The following KANK1 variants were observed in gnomAD, a reference collection of about 807,000 sequenced individuals.
KANK1 encodes the protein KN motif and ankyrin repeat domain-containing protein 1.
KANK1 carries 109 observed loss-of-function variants against 106.2 expected under a neutral mutation model. The observed-to-expected ratio is 1.03, with a 90% CI of 0.88 to 1.20. KANK1 has a LOEUF of 1.20. Ranked by LOEUF, KANK1 falls within the 50% of genes most tolerant of loss-of-function variation. KANK1 has a pLI of 0.00. For missense variants in KANK1, 2,399 were observed against 1,710.7 expected (o/e 1.40, Z -7.10); for synonymous variants, 873 against 652.2 (o/e 1.34, Z -5.16).
upstream of KANK1, among the ~76,000 whole-genome samples, chr9:500,510 T>A (rs1931371928): frequency 1.3e-5 from 2 of 152,214 alleles, no homozygotes; most frequent in Non-Finnish European, 2.9e-5. Flanking sequence ...TGATGAAGAC[T>A]TTTTTAAGGA....
rs535838229 is a variant in KANK1, at chr9:674,779, C to T, written c.-83-2111C>T. On this transcript the variant is annotated intron_variant, in intron 1 of 11. Transcript: ENST00000382297. ...GGTGCAGTGGTGCAATCTCAGCTCA[C>T]TGCAATCTCCGTCTCCCAGGTTCAA... Among the ~76,000 whole-genome samples the T allele has an allele frequency of 7.9e-5, 12 of 152,306 alleles. No individual in the cohort carries two copies. In the East Asian group the frequency reaches 2.3e-3, roughly 29 times the overall value.
In KANK1 at chr9:740,857, G is replaced by C. The variant is rs148917415; in HGVS notation, c.3619G>C (p.Ala1207Pro). 2.9e-5 allele frequency: 46 copies of C among 1,613,696 alleles called. 1 individual carries two copies. The South Asian group carries it at 4.3e-4, about 15-fold the overall frequency. ...CCCCATCATGTTGGCGGCCCTCGCC[G>C]CTGTGGAAGCAGAGAAGGACATGCG... is the stretch of plus-strand genomic sequence containing the variant. Reference protein sequence around the residue: ...YTPIMLAALAAVEAEKDMRIV... With the variant: ...YTPIMLAALAPVEAEKDMRIV... The change falls in exon 9 of 12, where the codon GCT (alanine) becomes CCT (proline). Residue 1207 changes from alanine (A) to proline (P), a missense_variant. By Grantham distance (27) the Ala-to-Pro change is conservative (BLOSUM62 -1). Coordinates refer to ENST00000382297, the MANE Select transcript of KANK1 (RefSeq NM_015158.5).
At chr9:684,551 C>G (rs1818179048) in intron 2 of KANK1, 1 of 985,344 alleles carries the variant, frequency 1.0e-6, no homozygotes, top group Non-Finnish European at 1.2e-6. Context: ...CTGTGCTCTG[C>G]TCTTCCTCAG....
In KANK1 at chr9:681,500, A is replaced by T. The variant is rs554559695; in HGVS notation, c.37+4491A>T. 3.9e-5 allele frequency among the ~76,000 whole-genome samples: 6 copies of T among 152,336 alleles called. No homozygotes were observed. The East Asian group carries it at 9.6e-4, about 24-fold the overall frequency. The stretch of plus-strand genomic sequence containing the variant: ...TTGTGAAACTTTAATTAGAGCTTAG[A>T]TATGCTTTAGAAGCCAAATAACAAG... On this transcript the variant is annotated intron_variant, in intron 2 of 11. Transcript: ENST00000382297.
intron 1 of KANK1, among the ~76,000 whole-genome samples, chr9:527,183 C>G (rs979741692): frequency 2.0e-5 from 3 of 151,762 alleles, no homozygotes; most frequent in Non-Finnish European, 2.9e-5. Flanking sequence ...CTGAAGGCGT[C>G]CCTTCTGAAG....
rs752429506 is a variant in KANK1 at position 711,611 on chromosome 9, G to A, written c.845G>A (p.Arg282Gln). Residue 282 changes from arginine (R) to glutamine (Q), a missense_variant, in exon 3 of 12, where the codon CGA (arginine) becomes CAA (glutamine). Coordinates refer to ENST00000382297, the MANE Select transcript of KANK1 (RefSeq NM_015158.5). ...KRLKELEEQV[R>Q]TIPVLQVKIS... is the part of the protein sequence containing the mutation. Reference sequence around the variant, plus strand: ...CTGAAGGAGCTGGAGGAGCAGGTGCGAACCATCCCTGTGCTCCAGGTAAAG... The same window carrying A: ...CTGAAGGAGCTGGAGGAGCAGGTGCAAACCATCCCTGTGCTCCAGGTAAAG... 15 of 1,614,020 alleles carry A rather than the reference G, an allele frequency of 9.3e-6. No homozygotes were observed. The highest frequency in any genetic ancestry group is 5.5e-5 in the South Asian group (5 of 91,068).
rs771863577 is a variant in KANK1, at chr9:730,049, A to G, written c.2699-2A>G. On this transcript the variant is annotated splice_acceptor_variant, in intron 3 of 11. Transcript: ENST00000382297. LOFTEE classifies it high-confidence loss of function. ...ACTCTGTACCTTTCTTTTTCCTGAT[A>G]GGCAATTATTTGGGATATACCTGTA... 2 of 1,613,328 alleles carry G rather than the reference A, an allele frequency of 1.2e-6. No homozygotes were observed. The highest frequency in any genetic ancestry group is 4.5e-5 in the East Asian group (2 of 44,880).
At chr9:640,692 C>T (rs927706950) in intron 1 of KANK1, among the ~76,000 whole-genome samples, 25 of 148,166 alleles carry the variant, frequency 1.7e-4, no homozygotes, top group East Asian at 4.0e-4. Context: ...CCACCACGCC[C>T]GGCCTAATTT....
chr9:599,326 T>A (rs1827145503), intron 1 of KANK1, among the ~76,000 whole-genome samples: 1 of 151,722 alleles, frequency 6.6e-6, no homozygotes, highest in Admixed American at 6.6e-5. Context: ...CAAGAAATAT[T>A]ATTTTTATTT....
chr9:734,856 C>G, intron 7 of KANK1, 21 bp downstream of exon 7: 3 of 1,561,612 alleles, frequency 1.9e-6, no homozygotes, highest in South Asian at 2.2e-5. Flanking sequence ...CCTGCAAACA[C>G]CATCCCCAGT....
At chr9:527,989 G>C (rs2059874756) in intron 1 of KANK1, among the ~76,000 whole-genome samples, 1 of 151,874 alleles carries the variant, frequency 6.6e-6, no homozygotes, top group African/African-American at 2.4e-5. Flanking sequence ...AAATTAGCCA[G>C]GCGTGGTGGC....
chr9:719,669 C>T (rs1017466807), intron 3 of KANK1, among the ~76,000 whole-genome samples: 1 of 152,198 alleles, frequency 6.6e-6, no homozygotes, highest in Non-Finnish European at 1.5e-5. Flanking sequence ...AATACCCATT[C>T]TGGACAGATA....
intron 1 of KANK1, among the ~76,000 whole-genome samples, chr9:533,191 G>A (rs1316644625): frequency 6.6e-6 from 1 of 152,182 alleles, no homozygotes; most frequent in East Asian, 1.9e-4. Flanking sequence ...AATTTTTTCA[G>A]TAAAATTCAT....
intron 3 of KANK1, chr9:495,375 A>G (rs569835174): frequency 1.3e-5 from 2 of 152,336 alleles, no homozygotes; most frequent in South Asian, 4.1e-4. Context: ...ACAGCCTTCA[A>G]TAAAAGACTC....
At chr9:705,379 G>T (rs180833789) in intron 2 of KANK1, among the ~76,000 whole-genome samples, 1 of 152,056 alleles carries the variant, frequency 6.6e-6, no homozygotes, top group Non-Finnish European at 1.5e-5. Context: ...CCAGCTCCTC[G>T]GGAGGACGAG....
In KANK1 at chr9:604,591, A is replaced by G. The variant is rs148725911; in HGVS notation, c.-83-72299A>G. Reference sequence around the variant, plus strand: ...TCACACCTGTAATCCCAGCACTTTGAGAGACCAACGCGGGCAGATCACTTG... The same window carrying G: ...TCACACCTGTAATCCCAGCACTTTGGGAGACCAACGCGGGCAGATCACTTG... On this transcript the variant is annotated intron_variant, in intron 1 of 11. Transcript: ENST00000382297. Among the ~76,000 whole-genome samples the G allele has an allele frequency of 3.1e-3, 463 of 151,468 alleles. 10 individuals are homozygous for G. The highest frequency in any genetic ancestry group is 0.01 in the African/African-American group (423 of 41,120).
chr9:564,641 A>G (rs368749706), intron 1 of KANK1, among the ~76,000 whole-genome samples: 9 of 152,316 alleles, frequency 5.9e-5, no homozygotes, highest in African/African-American at 2.2e-4. Flanking sequence ...ATTTCTGCCC[A>G]TGCCTACTTT....
intron 1 of KANK1, among the ~76,000 whole-genome samples, chr9:555,697 A>G (rs2061541394): frequency 6.6e-6 from 1 of 152,230 alleles, no homozygotes; most frequent in African/African-American, 2.4e-5. Context: ...AAATTCCTTT[A>G]GATTTGATGT....
chr9:624,261 C>T (rs751156097), intron 1 of KANK1, among the ~76,000 whole-genome samples: 27 of 152,204 alleles, frequency 1.8e-4, no homozygotes, highest in Non-Finnish European at 2.8e-4. Flanking sequence ...TCAAAGGGTA[C>T]AAGCTTTCAT....
Sources: gnomAD v4.1 joint callset for allele counts (sites outside exome capture counted in the v4.1 genomes callset) on GRCh38, gnomAD v4.1.1 for gene constraint, MANE v1.5 for transcripts, NCBI Gene and HGNC (gene_info 2026-07-23, HGNC 2026-07-21) for gene names.